Variants in MATN3 observed in about 807,000 individuals in gnomAD.
MATN3 encodes matrilin-3.
Under a neutral mutation model 45.3 loss-of-function variants are expected in MATN3, and 48 were observed. The observed-to-expected ratio is 1.06, with a 90% confidence interval of 0.84 to 1.35. The LOEUF (loss-of-function observed/expected upper bound fraction) is 1.35, where lower values mean the gene tolerates loss of function less well. Among genes scored for constraint, MATN3 ranks in the 40% most tolerant of loss-of-function variants. The pLI is 0.00. For synonymous variants in MATN3, 217 were observed against 245.9 expected (o/e 0.88, Z 1.10); for missense variants, 599 against 628.0 (o/e 0.95, Z 0.49).
chr2:19,994,168 T>G, intron 7 of MATN3, 131 bp downstream of exon 7: 1 of 609,282 alleles, frequency 1.6e-6, no homozygotes, highest in Non-Finnish European at 2.9e-6. Flanking sequence ...TTTAAAGTTG[T>G]ATATTACCAC....
At chr2:19,993,206 A>C (rs752563384) in intron 7 of MATN3, 40 bp from the exon 8 acceptor site, 1 of 1,411,058 alleles carries the variant, frequency 7.1e-7, no homozygotes, top group African/African-American at 1.4e-5. Flanking sequence ...ATTTTTACAC[A>C]TTAGAAAATA....
At chr2:19,997,429 A>G in intron 5 of MATN3, 170 bp from the exon 6 acceptor site, 1 of 584,786 alleles carries the variant, frequency 1.7e-6, no homozygotes, top group South Asian at 2.2e-5. Context: ...TTCTCTTCCC[A>G]TACCTCTCAT....
chr2:19,992,911 A>G lies in MATN3; in HGVS notation c.*200T>C, dbSNP rs1448096347. The G allele has an allele frequency of 1.2e-5, 7 of 567,242 alleles. No individual in the cohort carries two copies. In the East Asian group the frequency reaches 2.2e-4, roughly 17 times the overall value. 35.1% of individuals were successfully genotyped at this position (567,242 alleles called of 1,614,324 possible). ...ACACTAAAGTTTGCTCTTAATAAGT[A>G]TCTGCATATGTATTTCCTTGGAAGA... is the stretch of plus-strand genomic sequence containing the variant. On this transcript the variant is annotated 3_prime_UTR_variant, in exon 8 of 8. Transcript: ENST00000407540.
chr2:20,003,492 AT>A (rs1673030672), intron 2 of MATN3, among the ~76,000 whole-genome samples: 1 of 152,244 alleles, frequency 6.6e-6, no homozygotes, highest in Non-Finnish European at 1.5e-5. Context: ...AAAAGTACAC[AT>A]CTTGCTATAT....
At position 20,006,175 on chromosome 2, in the gene MATN3, G is replaced by A. The variant is rs397515546; in HGVS notation, c.359C>T (p.Thr120Met). ...AGCATAGTTCACCACTGCCACCCGC[G>A]TGTCGGCTGGCCCAATGTCCAGAGT... ...IDTLDIGPADTRVAVVNYAST... is the reference protein window; with the variant it reads ...IDTLDIGPADMRVAVVNYAST... The change falls in exon 2 of 8, where the codon ACG becomes ATG. Residue 120 changes from threonine to methionine, a missense_variant. Coordinates refer to ENST00000407540, the MANE Select transcript of MATN3 (RefSeq NM_002381.5). 3 of 1,613,928 alleles carry A rather than the reference G, an allele frequency of 1.9e-6. No homozygotes were observed. The highest frequency in any genetic ancestry group is 2.2e-5 in the East Asian group (1 of 44,888).
chr2:20,009,996 A>G (rs1373778846), intron 1 of MATN3, among the ~76,000 whole-genome samples: 4 of 143,958 alleles, frequency 2.8e-5, no homozygotes, highest in African/African-American at 1.0e-4. Flanking sequence ...ACATGTACTC[A>G]GGACCTCTTG....
chr2:20,006,928 T>A (rs1147108), intron 1 of MATN3, among the ~76,000 whole-genome samples: 148,909 of 152,358 alleles, frequency 0.98, 72,841 homozygotes, highest in East Asian at 1. Context: ...TGAACTAATT[T>A]AAAGTAGAGC....
intron 7 of MATN3, among the ~76,000 whole-genome samples, chr2:19,993,501 CAAG>C (rs1346266991): frequency 6.6e-6 from 1 of 152,160 alleles, no homozygotes; most frequent in Non-Finnish European, 1.5e-5. Flanking sequence ...TTGGCTATCT[CAAG>C]ATTCTGCTGT....
chr2:19,995,671 A>G lies in MATN3; in HGVS notation c.1295-1262T>C, dbSNP rs927153070. Among the ~76,000 whole-genome samples, 4 of 152,198 alleles carry G rather than the reference A, an allele frequency of 2.6e-5. No individual in the cohort carries two copies. The highest frequency in any genetic ancestry group is 1.9e-4 in the East Asian group (1 of 5,196). The stretch of plus-strand genomic sequence containing the variant: ...GGAATTCAGTCAGGCAGCTATTCCT[A>G]TTCAGTATCAGGGCTCCTCCTAAAG... On this transcript the variant is annotated intron_variant, in intron 6 of 7. Transcript: ENST00000407540. The surrounding 1 kb of genome is among the most constrained non-coding windows in gnomAD (Gnocchi z 4.2).
intron 1 of MATN3, among the ~76,000 whole-genome samples, chr2:20,007,100 C>T (rs1245110682): frequency 6.6e-6 from 1 of 152,032 alleles, no homozygotes; most frequent in South Asian, 2.1e-4. Flanking sequence ...CCCAGCTACT[C>T]GGGAGACTGA....
Position 19,995,901 on chromosome 2 carries a change from T to C in MATN3, c.1294+1233A>G, listed in dbSNP as rs186012348. Reference sequence around the variant, plus strand: ...CATCTATCCACCTGTCTGAATCCTATTGAACCTTTTAGGGACAGCCAGTCC... The same window carrying C: ...CATCTATCCACCTGTCTGAATCCTACTGAACCTTTTAGGGACAGCCAGTCC... On this transcript the variant is annotated intron_variant, in intron 6 of 7. Coordinates refer to ENST00000407540, the MANE Select transcript of MATN3 (RefSeq NM_002381.5). The surrounding 1 kb of genome is among the most constrained non-coding windows in gnomAD (Gnocchi z 4.2). Among the ~76,000 whole-genome samples, 7 of 152,336 alleles carry C rather than the reference T, an allele frequency of 4.6e-5. No homozygotes were observed. The highest frequency in any genetic ancestry group is 7.2e-5 in the African/African-American group (3 of 41,584).
In MATN3 at chr2:20,003,287, C is replaced by T. The variant is rs1240773025; in HGVS notation, c.791-1G>A. 5 of 1,610,196 alleles carry T rather than the reference C, an allele frequency of 3.1e-6. No individual in the cohort carries two copies. The highest frequency in any genetic ancestry group is 4.2e-6 in the Non-Finnish European group (5 of 1,177,178). ...GTTCCAAGCACACAGGGGTCCAGCG[C>T]TGTGAGAGGAAGTTTACAACAGTCA... On this transcript the variant is annotated splice_acceptor_variant, in intron 2 of 7. Transcript: ENST00000407540. LOFTEE classifies it high-confidence loss of function.
chr2:20,008,859 AGTAAACATCCTGCTT>A (rs1249988929), intron 1 of MATN3, among the ~76,000 whole-genome samples: 2 of 152,188 alleles, frequency 1.3e-5, no homozygotes, highest in African/African-American at 4.8e-5. Context: ...TCATGTATTC[AGTAAACATCCTGCTT>A]GTTGACTTTA....
At position 20,005,976 on chromosome 2, in the gene MATN3, G is replaced by A. The variant is rs900858544; in HGVS notation, c.558C>T (p.Asn186=). 3 of 1,613,980 alleles carry A rather than the reference G, an allele frequency of 1.9e-6. No individual in the cohort carries two copies. Among genetic ancestry groups the A allele is most frequent in the Non-Finnish European group, 2.5e-6 (3 of 1,179,882 alleles). ...TAACAATGATGGCCACCTTAGGGAT[G>A]TTAGAAGAGGGCTCTCGAGCCCCTG... ...VEAGAREPSS[N]IPKVAIIVTD... Residue 186 remains asparagine, a synonymous_variant, in exon 2 of 8, where the codon AAC becomes AAT. Coordinates refer to ENST00000407540, the MANE Select transcript of MATN3 (RefSeq NM_002381.5).
At chr2:20,009,140 G>A (rs1246538434) in intron 1 of MATN3, among the ~76,000 whole-genome samples, 4 of 150,622 alleles carry the variant, frequency 2.7e-5, no homozygotes, top group East Asian at 2.0e-4. Context: ...CAGGAGGATC[G>A]CTTAAAGCTA....
At chr2:20,000,667 C>A in intron 4 of MATN3, 101 bp from the exon 5 acceptor site, 1 of 1,213,234 alleles carries the variant, frequency 8.2e-7, no homozygotes, top group Non-Finnish European at 1.1e-6. Flanking sequence ...ATGAGGAAAA[C>A]TTACTGGAAA....
At chr2:20,005,290 G>A (rs1041791311) in intron 2 of MATN3, among the ~76,000 whole-genome samples, 6 of 152,282 alleles carry the variant, frequency 3.9e-5, no homozygotes, top group African/African-American at 1.2e-4. Context: ...AAGGACAGAC[G>A]CTTCTCCCTG....
chr2:20,008,390 TTGA>T (rs1418948966), intron 1 of MATN3, among the ~76,000 whole-genome samples: 2 of 152,152 alleles, frequency 1.3e-5, no homozygotes, highest in African/African-American at 2.4e-5. Context: ...GAGGCAGAAG[TTGA>T]TGCTACTCTA....
In MATN3 at chr2:19,992,499, G is replaced by C. The variant is rs976045241; in HGVS notation, c.*612C>G. 2.6e-5 allele frequency: 4 copies of C among 152,108 alleles called. No individual in the cohort carries two copies. The highest frequency in any genetic ancestry group is 5.9e-5 in the Non-Finnish European group (4 of 68,012). The allele number at this position is 152,108 out of a possible 1,614,324, so 9.4% of individuals were successfully genotyped here. ...TCTTTAGTAGTACATTTCTTTCAAA[G>C]ACCAGAATGAATTAAAAATGGCAAT... On this transcript the variant is annotated 3_prime_UTR_variant, in exon 8 of 8. Transcript: ENST00000407540.
Sources: gnomAD v4.1 joint callset for allele counts (sites outside exome capture counted in the v4.1 genomes callset) on GRCh38, gnomAD v4.1.1 for gene constraint, Gnocchi (gnomAD v3.1) non-coding constraint, MANE v1.5 for transcripts, NCBI Gene and HGNC (gene_info 2026-07-23, HGNC 2026-07-21) for gene names.